Variants in PHACTR3 observed in about 807,000 individuals in gnomAD.
The protein encoded by PHACTR3 is protein phosphatase 1, regulatory subunit 123.
PHACTR3 carries 16 observed loss-of-function variants against 66.8 expected under a neutral mutation model. The observed-to-expected ratio is 0.24, with a 90% CI of 0.16 to 0.36. The LOEUF is 0.36. Among genes scored for constraint, PHACTR3 ranks in the 10% least tolerant of loss-of-function variants. The pLI is 1.00. For synonymous variants in PHACTR3, 323 were observed against 292.1 expected, an observed-to-expected ratio of 1.11 and a Z score of -1.08; for missense variants, 647 against 719.9, an observed-to-expected ratio of 0.90 and a Z score of 1.16.
intron 8 of PHACTR3, among the ~76,000 whole-genome samples, chr20:59,828,730 C>CT (rs1206412548): frequency 6.6e-6 from 1 of 151,940 alleles, no homozygotes; most frequent in Non-Finnish European, 1.5e-5. Context: ...GTAGGAGGGG[C>CT]TGCTGGAGGG....
chr20:59,843,467 C>T (rs1016084230), intron 11 of PHACTR3: 1 of 151,836 alleles, frequency 6.6e-6, no homozygotes, highest in Non-Finnish European at 1.5e-5. Flanking sequence ...ATACTACCAG[C>T]ATAATATTGG....
intron 1 of PHACTR3, among the ~76,000 whole-genome samples, chr20:59,740,319 T>C (rs2039108008): frequency 6.6e-6 from 1 of 152,154 alleles, no homozygotes; most frequent in African/African-American, 2.4e-5. Flanking sequence ...ATTTTAATTT[T>C]TTTTTAGAGA....
Position 59,616,023 on chromosome 20 carries a change from AGGTCTGTGGG to A in PHACTR3, c.118+10893_118+10902del, listed in dbSNP as rs2034012892. Among the ~76,000 whole-genome samples, 5 of 152,300 alleles carry A rather than the reference AGGTCTGTGGG, an allele frequency of 3.3e-5. No individual in the cohort carries two copies. The East Asian group carries it at 7.7e-4, about 24-fold the overall frequency. ...CCTTGACATTGGATGCCAACAGACA[AGGTCTGTGGG>A]GTGCTTGCAGATGTGTGGTCTCTGG... On this transcript the variant is annotated intron_variant, in intron 1 of 12. Coordinates refer to ENST00000371015, the MANE Select transcript of PHACTR3 (RefSeq NM_080672.5).
chr20:59,836,756 A>T (rs1467099912), intron 9 of PHACTR3, among the ~76,000 whole-genome samples, 196 bp downstream of exon 9: 4 of 152,054 alleles, frequency 2.6e-5, no homozygotes, highest in African/African-American at 4.8e-5. Context: ...TTTTTAATTT[A>T]AAAAAACTCC....
chr20:59,754,368 C>T (rs563058038), intron 3 of PHACTR3, among the ~76,000 whole-genome samples: 1 of 152,194 alleles, frequency 6.6e-6, no homozygotes, highest in Non-Finnish European at 1.5e-5. Context: ...GACCTAGGGA[C>T]CCCCGGCTCT....
intron 1 of PHACTR3, among the ~76,000 whole-genome samples, chr20:59,661,375 G>A (rs1343671192): frequency 6.6e-6 from 1 of 152,148 alleles, no homozygotes; most frequent in African/African-American, 2.4e-5. Context: ...GGGGGAGCAT[G>A]CACGTTGCTA....
chr20:59,710,224 A>G (rs190308057), intron 1 of PHACTR3, among the ~76,000 whole-genome samples: 363 of 152,322 alleles, frequency 2.4e-3, no homozygotes, highest in Non-Finnish European at 3.7e-3. Flanking sequence ...TTATTCAGGT[A>G]TTATAAACAA....
At chr20:59,822,066 C>CAATCCTA (rs1568856230) in intron 8 of PHACTR3, among the ~76,000 whole-genome samples, 1 of 24,408 alleles carries the variant, frequency 4.1e-5, no homozygotes, top group African/African-American at 3.6e-4. Flanking sequence ...CAGCGATCCG[C>CAATCCTA]CCCGCAACGA....
At chr20:59,712,755 A>T (rs544782054) in intron 1 of PHACTR3, among the ~76,000 whole-genome samples, 1 of 152,318 alleles carries the variant, frequency 6.6e-6, no homozygotes, top group South Asian at 2.1e-4. Flanking sequence ...TATTTGATTA[A>T]ATTTAGGAAA....
chr20:59,762,542 T>C (rs1401931748), intron 4 of PHACTR3, among the ~76,000 whole-genome samples: 1 of 152,260 alleles, frequency 6.6e-6, no homozygotes, highest in Non-Finnish European at 1.5e-5. Flanking sequence ...CAGAAAGTGC[T>C]ACTGGGTAGT....
At chr20:59,759,949 G>A (rs572624563) in intron 4 of PHACTR3, among the ~76,000 whole-genome samples, 70 of 152,304 alleles carry the variant, frequency 4.6e-4, no homozygotes, top group East Asian at 5.8e-4. Context: ...ATGGTGCCCC[G>A]TGGGTGATGG....
chr20:59,829,795 A>G lies in PHACTR3; in HGVS notation c.1329-6710A>G, dbSNP rs566469939. Among the ~76,000 whole-genome samples the G allele has an allele frequency of 1.1e-4, 16 of 152,302 alleles. No homozygotes were observed. In the South Asian group the frequency reaches 3.3e-3, roughly 32 times the overall value. ...CTTGTATGGAAGGAATTGCTTCTCA[A>G]TTTCTGCTCCACACTGAGGTGACTT... On this transcript the variant is annotated intron_variant, in intron 8 of 12. Coordinates refer to ENST00000371015, the MANE Select transcript of PHACTR3 (RefSeq NM_080672.5). The surrounding 1 kb of genome is among the most constrained non-coding windows in gnomAD (Gnocchi z 4.2).
Position 59,774,280 on chromosome 20 carries a change from C to G in PHACTR3, c.964C>G (p.Arg322Gly). Residue 322 changes from arginine to glycine, a missense_variant, in exon 7 of 13, where the codon CGG (arginine) becomes GGG (glycine). By Grantham distance (125) the Arg-to-Gly change is moderately radical. Around this residue, in one of 2 missense-constraint regions of PHACTR3, gnomAD observed 577 missense variants for 571.1 expected, o/e 1.01. Transcript: ENST00000371015. ...GRESKGSPKK[R>G]LDVRLSRTSS... ...AGAAAGTAAAGGGTCTCCAAAGAAG[C>G]GGCTGGATGTCCGTCTGTCGAGAAC... is the stretch of plus-strand genomic sequence containing the variant. 6.2e-7 allele frequency: 1 copy of G among 1,606,688 alleles called. No individual in the cohort carries two copies. The highest frequency in any genetic ancestry group is 1.1e-5 in the South Asian group (1 of 89,642).
chr20:59,668,609 C>T (rs1400582163), intron 1 of PHACTR3, among the ~76,000 whole-genome samples: 1 of 152,216 alleles, frequency 6.6e-6, no homozygotes, highest in African/African-American at 2.4e-5. Flanking sequence ...AGGCCAGGTC[C>T]TCTCAAAGCT....
At chr20:59,647,921 T>C (rs1046631874) in intron 1 of PHACTR3, among the ~76,000 whole-genome samples, 28 of 152,250 alleles carry the variant, frequency 1.8e-4, no homozygotes, top group Non-Finnish European at 3.5e-4. Flanking sequence ...CTTGCAACTT[T>C]CCATAGGACT....
intron 3 of PHACTR3, among the ~76,000 whole-genome samples, chr20:59,754,126 A>G (rs1352921211): frequency 6.6e-6 from 1 of 152,228 alleles, no homozygotes; most frequent in African/African-American, 2.4e-5. Flanking sequence ...CATCTCAGTG[A>G]CGTGACTGTG....
intron 7 of PHACTR3, among the ~76,000 whole-genome samples, chr20:59,775,123 G>C (rs770601135): frequency 6.6e-6 from 1 of 151,760 alleles, no homozygotes; most frequent in Non-Finnish European, 1.5e-5. Context: ...TGAGGACTCC[G>C]GGGCTCGGGA....
At chr20:59,814,594 T>C (rs1307562820) in intron 8 of PHACTR3, among the ~76,000 whole-genome samples, 1 of 152,062 alleles carries the variant, frequency 6.6e-6, no homozygotes, top group Non-Finnish European at 1.5e-5. Context: ...TCAGAGCCCG[T>C]CGTGGTGTTT....
At chr20:59,748,914 G>A (rs1310451105) in intron 3 of PHACTR3, among the ~76,000 whole-genome samples, 2 of 152,180 alleles carry the variant, frequency 1.3e-5, no homozygotes, top group Admixed American at 6.5e-5. Context: ...TTATGCAGCC[G>A]GGCCTGTCAG....
Sources: allele counts gnomAD v4.1 joint callset (sites outside exome capture counted in the v4.1 genomes callset), GRCh38; gene constraint gnomAD v4.1.1; regional missense constraint gnomAD v4.1.1; non-coding constraint Gnocchi (gnomAD v3.1); transcripts MANE v1.5; gene names NCBI Gene and HGNC (gene_info 2026-07-23, HGNC 2026-07-21).